SH2D2A: variants seen among roughly 807,000 people sequenced by gnomAD.
The protein encoded by SH2D2A is SH2 domain-containing protein 2A.
A neutral mutation model predicts 43.6 loss-of-function variants in SH2D2A; 33 were observed. The ratio of observed to expected loss-of-function variants is 0.76; its 90% CI spans 0.57 to 1.01. The LOEUF is 1.01. Among genes scored for constraint, SH2D2A ranks in the 50% least tolerant of loss-of-function variants. The probability of loss-of-function intolerance (pLI) is 0.00; values close to 1 mark genes in which losing one functional copy is unlikely to be tolerated. For missense variants in SH2D2A, 491 were observed against 503.1 expected (o/e 0.98, Z 0.23); for synonymous variants, 212 against 206.1 (o/e 1.03, Z -0.25).
rs369809596 is a variant in SH2D2A at position 156,816,119 on chromosome 1, G to A, written c.35-25C>T. Reference sequence around the variant, plus strand: ...CCTGTGAGCACAAAGAGGGCTGCCGGGGTTTCTCAGAGAGGAACTATGTCT... The same window carrying A: ...CCTGTGAGCACAAAGAGGGCTGCCGAGGTTTCTCAGAGAGGAACTATGTCT... On this transcript the variant is annotated intron_variant, in intron 1 of 8. Coordinates refer to ENST00000368199, the MANE Select transcript of SH2D2A (RefSeq NM_003975.4). The A allele has an allele frequency of 5.6e-6, 9 of 1,599,100 alleles. No homozygotes were observed. In the South Asian group the frequency reaches 5.7e-5, roughly 10 times the overall value.
chr1:156,810,383 C>A (rs1653324433), intron 5 of SH2D2A, among the ~76,000 whole-genome samples: 1 of 152,216 alleles, frequency 6.6e-6, no homozygotes. Flanking sequence ...AGGCCAGATT[C>A]CATTTGTGCC....
chr1:156,815,974 G>A (rs771165291), intron 2 of SH2D2A, 32 bp downstream of exon 2: 19 of 1,610,288 alleles, frequency 1.2e-5, no homozygotes, highest in Non-Finnish European at 1.5e-5. Context: ...TGAGGGAGCT[G>A]CACCACGCTG....
rs368497410 is a variant in SH2D2A at position 156,809,521 on chromosome 1, G to A, written c.715-31C>T. On this transcript the variant is annotated intron_variant, in intron 6 of 8. Coordinates refer to ENST00000368199, the MANE Select transcript of SH2D2A (RefSeq NM_003975.4). This position sits in a 1 kb window ranked among gnomAD's most constrained non-coding sequence, Gnocchi z 4.8. Reference sequence around the variant, plus strand: ...AGAGAAGGTGAGGCCAGGGAGGAGTGGGGTGAGGGAGGCAGGGTTAAAGCC... The same window carrying A: ...AGAGAAGGTGAGGCCAGGGAGGAGTAGGGTGAGGGAGGCAGGGTTAAAGCC... The A allele has an allele frequency of 1.5e-4, 229 of 1,572,218 alleles. No homozygotes were observed. Among genetic ancestry groups the A allele is most frequent in the Non-Finnish European group, 1.8e-4 (206 of 1,158,720 alleles).
At position 156,809,556 on chromosome 1, in the gene SH2D2A, C is replaced by A; in HGVS notation, c.715-66G>T. On this transcript the variant is annotated intron_variant, in intron 6 of 8. Transcript: ENST00000368199. This position sits in a 1 kb window ranked among gnomAD's most constrained non-coding sequence, Gnocchi z 4.8. ...AGGCAGGGTTAAAGCCCCAGCCTAA[C>A]TCCCAGCCTGAGCCTCTGCCCCCGC... 3 of 1,554,978 alleles carry A rather than the reference C, an allele frequency of 1.9e-6. No individual in the cohort carries two copies. The highest frequency in any genetic ancestry group is 2.3e-5 in the East Asian group (1 of 44,352).
rs1328269086 is a variant in SH2D2A at position 156,816,848 on chromosome 1, T to C, written c.-140A>G. ...GTCGCCTTACCCACAGCCTTAGTTC[T>C]GGCGAGGACTCACGTCATGGAAAGC... On this transcript the variant is annotated 5_prime_UTR_variant, in exon 1 of 9. Transcript: ENST00000368199. The C allele has an allele frequency of 1.3e-5, 9 of 703,276 alleles. No homozygotes were observed. The East Asian group carries it at 2.3e-4, about 18-fold the overall frequency. The allele number at this position is 703,276 out of a possible 1,614,324, so 43.6% of individuals were successfully genotyped here.
chr1:156,808,389 G>C (rs991239238), intron 7 of SH2D2A, among the ~76,000 whole-genome samples: 1 of 152,158 alleles, frequency 6.6e-6, no homozygotes, highest in Non-Finnish European at 1.5e-5. Context: ...GGGATGCTGG[G>C]GGGAACTGAC....
intron 3 of SH2D2A, 26 bp from the exon 4 acceptor site, chr1:156,814,320 G>C (rs1470476249): frequency 1.2e-6 from 2 of 1,606,432 alleles, no homozygotes; most frequent in Non-Finnish European, 8.5e-7. Context: ...AGAGGGGGCC[G>C]AACCCTGCTC....
rs1653626934 is a variant in SH2D2A at position 156,813,997 on chromosome 1, G to T, written c.418C>A (p.His140Asn). ...TCCCTGAGCTGGGCCAGCAGGAAGT[G>T]GCGGCAGCAAGTCCGGCTCCTGGAG... ...LTYRSRTCCRHFLLAQLRDGR... is the reference protein window; with the variant it reads ...LTYRSRTCCRNFLLAQLRDGR... The change falls in exon 5 of 9, where the codon CAC (histidine) becomes AAC (asparagine). Residue 140 changes from histidine to asparagine, a missense_variant. His to Asn is a moderately conservative substitution (Grantham distance 68). Transcript: ENST00000368199. 1 of 1,518,394 alleles carries T rather than the reference G, an allele frequency of 6.6e-7. No individual in the cohort carries two copies. Among genetic ancestry groups the T allele is most frequent in the Non-Finnish European group, 8.8e-7 (1 of 1,134,078 alleles). 94.1% of individuals were successfully genotyped at this position (1,518,394 alleles called of 1,614,324 possible). A position where few individuals can be genotyped will look rare whatever the true frequency, so the allele number is the denominator to read the frequency against.
intron 1 of SH2D2A, 65 bp downstream of exon 1, chr1:156,816,610 G>T: frequency 6.5e-7 from 1 of 1,528,866 alleles, no homozygotes; most frequent in Non-Finnish European, 8.9e-7. Context: ...AAGCCCAGGA[G>T]GGAGGGCAGG....
Position 156,812,283 on chromosome 1 carries a change from C to A in SH2D2A, c.567+1565G>T, listed in dbSNP as rs142421212. 3.0e-3 allele frequency among the ~76,000 whole-genome samples: 454 copies of A among 152,246 alleles called. 4 individuals carry two copies. Among genetic ancestry groups the A allele is most frequent in the African/African-American group, 0.01 (428 of 41,544 alleles). Reference sequence around the variant, plus strand: ...CCATGTCACCCCTCAGCTTGTAAGTCTCCAGTGCCACCTCGTCTCGCTCAG... The same window carrying A: ...CCATGTCACCCCTCAGCTTGTAAGTATCCAGTGCCACCTCGTCTCGCTCAG... On this transcript the variant is annotated intron_variant, in intron 5 of 8. Coordinates refer to ENST00000368199, the MANE Select transcript of SH2D2A (RefSeq NM_003975.4).
chr1:156,814,059 G>A, intron 4 of SH2D2A, 43 bp from the exon 5 acceptor site: 1 of 1,489,100 alleles, frequency 6.7e-7, no homozygotes, highest in Non-Finnish European at 8.9e-7. Flanking sequence ...CCGCTCCTCG[G>A]CCAGGGTCAC....
chr1:156,809,144 C>G lies in SH2D2A; in HGVS notation c.1002+59G>C. ...CCACTCTGAACACCTTCTTCACCTT[C>G]CCCCATCTACCTGCAGGGAGACCTT... On this transcript the variant is annotated intron_variant, in intron 7 of 8. Coordinates refer to ENST00000368199, the MANE Select transcript of SH2D2A (RefSeq NM_003975.4). The surrounding 1 kb of genome is among the most constrained non-coding windows in gnomAD (Gnocchi z 4.8). The G allele has an allele frequency of 6.6e-7, 1 of 1,524,450 alleles. No individual in the cohort carries two copies. The highest frequency in any genetic ancestry group is 8.9e-7 in the Non-Finnish European group (1 of 1,124,332). 94.4% of individuals were successfully genotyped at this position (1,524,450 alleles called of 1,614,324 possible). A position where few individuals can be genotyped will look rare whatever the true frequency, so the allele number is the denominator to read the frequency against.
At position 156,809,645 on chromosome 1, in the gene SH2D2A, C is replaced by T. The variant is rs917981153; in HGVS notation, c.714+16G>A. On this transcript the variant is annotated intron_variant, in intron 6 of 8. Coordinates refer to ENST00000368199, the MANE Select transcript of SH2D2A (RefSeq NM_003975.4). This position sits in a 1 kb window ranked among gnomAD's most constrained non-coding sequence, Gnocchi z 4.8. ...AGGCCTGTCCTCCCACTCCCTCAGC[C>T]CCTGCAGCCCAATACCTCCTTCTCC... 10 of 1,601,124 alleles carry T rather than the reference C, an allele frequency of 6.2e-6. No homozygotes were observed. Among genetic ancestry groups the T allele is most frequent in the Non-Finnish European group, 8.5e-6 (10 of 1,175,156 alleles).
chr1:156,816,521 C>T lies in SH2D2A; in HGVS notation c.34+154G>A, dbSNP rs1456537023. ...GGATGAGTGGGCATGGAGCCCCAGG[C>T]AGGGTTGTGGTCACCCTGCCAATCA... On this transcript the variant is annotated intron_variant, in intron 1 of 8. Transcript: ENST00000368199. Among the ~76,000 whole-genome samples the T allele has an allele frequency of 2.0e-5, 3 of 152,240 alleles. No individual in the cohort carries two copies. The East Asian group carries it at 5.8e-4, about 29-fold the overall frequency.
rs1653624329 is a variant in SH2D2A, at chr1:156,813,974, C to A, written c.441G>T (p.Arg147Ser). ...CGCCCAGCACCACGTGGCGCCCGTC[C>A]CTGAGCTGGGCCAGCAGGAAGTGGC... is the stretch of plus-strand genomic sequence containing the variant. Reference protein sequence around the residue: ...CCRHFLLAQLRDGRHVVLGED... With the variant: ...CCRHFLLAQLSDGRHVVLGED... The change falls in exon 5 of 9, where the codon AGG becomes AGT. Residue 147 changes from arginine to serine, a missense_variant. By Grantham distance (110) the Arg-to-Ser change is moderately radical (BLOSUM62 -1). Coordinates refer to ENST00000368199, the MANE Select transcript of SH2D2A (RefSeq NM_003975.4). 1.3e-6 allele frequency: 2 copies of A among 1,529,734 alleles called. No individual in the cohort carries two copies. Among genetic ancestry groups the A allele is most frequent in the East Asian group, 2.5e-5 (1 of 40,712 alleles). The allele number at this position is 1,529,734 out of a possible 1,614,324, so 94.8% of individuals were successfully genotyped here.
intron 5 of SH2D2A, among the ~76,000 whole-genome samples, chr1:156,810,016 G>A (rs1023438250): frequency 2.6e-5 from 4 of 152,150 alleles, no homozygotes; most frequent in African/African-American, 9.7e-5. Flanking sequence ...GTAAGCTCTG[G>A]TCACAGGCCA....
At chr1:156,814,798 A>G (rs1653734210) in intron 3 of SH2D2A, 2 of 435,248 alleles carry the variant, frequency 4.6e-6, no homozygotes, top group Non-Finnish European at 8.1e-6. Flanking sequence ...AATGGGGCCT[A>G]GAGAGGGGAA....
At position 156,809,003 on chromosome 1, in the gene SH2D2A, G is replaced by A. The variant is rs1015321682; in HGVS notation, c.1002+200C>T. The stretch of plus-strand genomic sequence containing the variant: ...GGCTTGACAAAGATGAGGTCTGAGC[G>A]ACTCTGGGGAGAAGAGGGGGCAGCC... On this transcript the variant is annotated intron_variant, in intron 7 of 8. Transcript: ENST00000368199. This position sits in a 1 kb window ranked among gnomAD's most constrained non-coding sequence, Gnocchi z 4.8. Among the ~76,000 whole-genome samples the A allele has an allele frequency of 4.6e-5, 7 of 152,264 alleles. No homozygotes were observed. The East Asian group carries it at 1.2e-3, about 25-fold the overall frequency.
At chr1:156,808,239 T>TGTGCTGAGGGAGCC (rs1274954994) in intron 7 of SH2D2A, among the ~76,000 whole-genome samples, 1 of 152,104 alleles carries the variant, frequency 6.6e-6, no homozygotes, top group Non-Finnish European at 1.5e-5. Context: ...AAGAGGGAGC[T>TGTGCTGAGGGAGCC]GTGCTGAGGG....
Sources: gnomAD v4.1 joint callset for allele counts (sites outside exome capture counted in the v4.1 genomes callset) on GRCh38, gnomAD v4.1.1 for gene constraint, Gnocchi (gnomAD v3.1) non-coding constraint, MANE v1.5 for transcripts, NCBI Gene and HGNC (gene_info 2026-07-23, HGNC 2026-07-21) for gene names.